Variants in CHCHD6 observed in about 807,000 individuals in gnomAD.
CHCHD6 encodes the protein MICOS complex subunit MIC25.
Under a neutral mutation model 32.3 loss-of-function variants are expected in CHCHD6, and 28 were observed. The observed-to-expected ratio is 0.87, with a 90% CI of 0.64 to 1.19. The LOEUF is 1.19. Among genes scored for constraint, CHCHD6 ranks in the 50% most tolerant of loss-of-function variants. CHCHD6 has a pLI of 0.00. For synonymous variants in CHCHD6, 122 were observed against 117.5 expected (o/e 1.04, Z -0.25); for missense variants, 333 against 307.0 (o/e 1.08, Z -0.63).
chr3:126,711,118 C>T (rs1934729727), intron 1 of CHCHD6, among the ~76,000 whole-genome samples: 1 of 152,216 alleles, frequency 6.6e-6, no homozygotes. Flanking sequence ...ACTCCTTTCT[C>T]TCTGTCCTTA....
intron 4 of CHCHD6, among the ~76,000 whole-genome samples, chr3:126,749,654 C>T (rs926551152): frequency 2.6e-5 from 4 of 152,206 alleles, no homozygotes; most frequent in Non-Finnish European, 4.4e-5. Context: ...CCAGCCTCAG[C>T]AGCCTTGGGT....
chr3:126,787,540 C>T (rs1486333716), intron 4 of CHCHD6, among the ~76,000 whole-genome samples: 12 of 152,162 alleles, frequency 7.9e-5, no homozygotes, highest in African/African-American at 1.9e-4. Flanking sequence ...AGGTCCTTCA[C>T]ATCCCTTGTA....
chr3:126,892,221 C>T (rs190373739), intron 5 of CHCHD6, among the ~76,000 whole-genome samples: 98 of 152,302 alleles, frequency 6.4e-4, no homozygotes, highest in Admixed American at 1.7e-3. Flanking sequence ...AACACTGAGT[C>T]CCATGCTTGT....
chr3:126,819,360 G>A (rs1188115642), intron 4 of CHCHD6, among the ~76,000 whole-genome samples: 1 of 152,168 alleles, frequency 6.6e-6, no homozygotes, highest in Admixed American at 6.5e-5. Flanking sequence ...ATATCAGAGT[G>A]CCTTGCCAGC....
At chr3:126,870,874 T>C (rs1423714924) in intron 5 of CHCHD6, among the ~76,000 whole-genome samples, 1 of 152,220 alleles carries the variant, frequency 6.6e-6, no homozygotes, top group Non-Finnish European at 1.5e-5. Flanking sequence ...CACCAATCTG[T>C]AGTTTGCAAA....
chr3:126,805,229 G>T (rs891453235), intron 4 of CHCHD6, among the ~76,000 whole-genome samples: 1 of 152,136 alleles, frequency 6.6e-6, no homozygotes, highest in African/African-American at 2.4e-5. Flanking sequence ...GGAAATAAAG[G>T]GTATTCAGTT....
chr3:126,720,993 C>T (rs893512905), intron 1 of CHCHD6, among the ~76,000 whole-genome samples: 9 of 152,252 alleles, frequency 5.9e-5, no homozygotes, highest in Admixed American at 2.0e-4. Flanking sequence ...TCAAACGGAT[C>T]TGCTGCCTTC....
chr3:126,750,745 C>T (rs1936689460), intron 4 of CHCHD6, among the ~76,000 whole-genome samples: 1 of 152,252 alleles, frequency 6.6e-6, no homozygotes, highest in South Asian at 2.1e-4. Context: ...TTGCAATGAG[C>T]CTGAACTTCC....
At position 126,840,012 on chromosome 3, in the gene CHCHD6, T is replaced by C. The variant is rs559167459; in HGVS notation, c.412-12635T>C. 1.8e-4 allele frequency among the ~76,000 whole-genome samples: 27 copies of C among 152,318 alleles called. No homozygotes were observed. In the South Asian group the frequency reaches 5.2e-3, roughly 29 times the overall value. On this transcript the variant is annotated intron_variant, in intron 4 of 7. Transcript: ENST00000290913. ...CAAGCACTCATCTGTTTTCTATCTCTATGTGTTTGCCTAATCTGGACATTT... is the reference window on the plus strand; with the variant it reads ...CAAGCACTCATCTGTTTTCTATCTCCATGTGTTTGCCTAATCTGGACATTT...
chr3:126,782,389 A>G (rs1337647145), intron 4 of CHCHD6, among the ~76,000 whole-genome samples: 1 of 152,194 alleles, frequency 6.6e-6, no homozygotes, highest in Non-Finnish European at 1.5e-5. Flanking sequence ...GTCTGACATT[A>G]CATTTCATTG....
At chr3:126,958,753 C>G (rs968026677) in intron 7 of CHCHD6, among the ~76,000 whole-genome samples, 3 of 152,196 alleles carry the variant, frequency 2.0e-5, no homozygotes, top group African/African-American at 7.2e-5. Context: ...GACAGGCGGC[C>G]TCCTCCTCCA....
chr3:126,729,616 G>A (rs1935690621), intron 2 of CHCHD6, among the ~76,000 whole-genome samples: 1 of 152,200 alleles, frequency 6.6e-6, no homozygotes, highest in Non-Finnish European at 1.5e-5. Flanking sequence ...AGAACCTGGT[G>A]TGTTGCTGAG....
chr3:126,872,595 C>T (rs1175765244), intron 5 of CHCHD6, among the ~76,000 whole-genome samples: 2 of 152,174 alleles, frequency 1.3e-5, no homozygotes, highest in Non-Finnish European at 2.9e-5. Context: ...GGATTCCTTG[C>T]ACTCTTTCTT....
At chr3:126,842,638 T>C (rs936670959) in intron 4 of CHCHD6, among the ~76,000 whole-genome samples, 1 of 152,194 alleles carries the variant, frequency 6.6e-6, no homozygotes, top group Non-Finnish European at 1.5e-5. Context: ...TGCATTTAAG[T>C]ACATTTACCT....
intron 6 of CHCHD6, among the ~76,000 whole-genome samples, chr3:126,940,576 TAC>T (rs2078545656): frequency 6.6e-6 from 1 of 152,128 alleles, no homozygotes. Context: ...GGTCAAAGGA[TAC>T]ACACACCAAA....
chr3:126,781,996 G>A lies in CHCHD6; in HGVS notation c.411+48774G>A, dbSNP rs187197814. On this transcript the variant is annotated intron_variant, in intron 4 of 7. Coordinates refer to ENST00000290913, the MANE Select transcript of CHCHD6 (RefSeq NM_032343.3). ...AATGAGAAACAGATGTAAGATCTGCGGCTGAGCCCAGTCAGAGGAGTTGGC... is the reference window on the plus strand; with the variant it reads ...AATGAGAAACAGATGTAAGATCTGCAGCTGAGCCCAGTCAGAGGAGTTGGC... Among the ~76,000 whole-genome samples the A allele has an allele frequency of 7.9e-5, 12 of 152,200 alleles. No individual in the cohort carries two copies. In the East Asian group the frequency reaches 1.4e-3, roughly 17 times the overall value.
Position 126,807,703 on chromosome 3 carries a change from C to T in CHCHD6, c.412-44944C>T, listed in dbSNP as rs1939463627. 3.3e-5 allele frequency among the ~76,000 whole-genome samples: 5 copies of T among 152,278 alleles called. No homozygotes were observed. The South Asian group carries it at 1.0e-3, about 32-fold the overall frequency. On this transcript the variant is annotated intron_variant, in intron 4 of 7. Coordinates refer to ENST00000290913, the MANE Select transcript of CHCHD6 (RefSeq NM_032343.3). ...TTAGCTTTCGAAAATAGACCTATAC[C>T]AGGATACATCATGAAATTTTAGAAT...
At chr3:126,877,619 C>T (rs2077556324) in intron 5 of CHCHD6, among the ~76,000 whole-genome samples, 1 of 151,752 alleles carries the variant, frequency 6.6e-6, no homozygotes. Flanking sequence ...ATTAAAGGAA[C>T]CTAACTCTAT....
At chr3:126,824,956 A>G (rs186737997) in intron 4 of CHCHD6, among the ~76,000 whole-genome samples, 4 of 152,150 alleles carry the variant, frequency 2.6e-5, no homozygotes, top group East Asian at 3.9e-4. Flanking sequence ...ATTGTCTTCT[A>G]TTCTCTTTGG....
Sources: allele counts gnomAD v4.1 joint callset (sites outside exome capture counted in the v4.1 genomes callset), GRCh38; gene constraint gnomAD v4.1.1; transcripts MANE v1.5; gene names NCBI Gene and HGNC (gene_info 2026-07-23, HGNC 2026-07-21).